The following ARHGAP18 variants were observed in gnomAD, a reference collection of about 807,000 sequenced individuals.
ARHGAP18 encodes the protein rho GTPase-activating protein 18.
A neutral mutation model predicts 86.2 loss-of-function variants in ARHGAP18; 67 were observed. That is an observed-to-expected ratio of 0.78 (90% CI 0.64 to 0.95). The LOEUF (loss-of-function observed/expected upper bound fraction) is 0.95, where lower values mean the gene tolerates loss of function less well. Among genes scored for constraint, ARHGAP18 ranks in the 40% least tolerant of loss-of-function variants. The pLI is 0.00. For missense variants in ARHGAP18, 691 were observed against 780.4 expected, an observed-to-expected ratio of 0.89 and a Z score of 1.37; for synonymous variants, 283 against 280.4, an observed-to-expected ratio of 1.01 and a Z score of -0.09.
intron 5 of ARHGAP18, among the ~76,000 whole-genome samples, chr6:129,625,445 T>A (rs1360402905): frequency 2.1e-5 from 1 of 47,188 alleles, no homozygotes; most frequent in East Asian, 7.8e-4. Flanking sequence ...AATATATATT[T>A]TATATTATAT....
At position 129,667,467 on chromosome 6, in the gene ARHGAP18, ATATGTG is replaced by A. The variant is rs760332862; in HGVS notation, c.114-25455_114-25450del. Among the ~76,000 whole-genome samples the A allele has an allele frequency of 2.9e-3, 281 of 95,792 alleles. 2 individuals carry two copies. Among genetic ancestry groups the A allele is most frequent in the African/African-American group, 0.011 (266 of 24,194 alleles). 62.8% of individuals were successfully genotyped at this position (95,792 alleles called of 152,430 possible). On this transcript the variant is annotated intron_variant, in intron 1 of 14. Coordinates refer to ENST00000368149, the MANE Select transcript of ARHGAP18 (RefSeq NM_033515.3). ...CAGGTCTATATCAAAAGAAAAATAT[ATATGTG>A]TGTGTGTGTGTGTGTGTGTGTGTGT...
intron 12 of ARHGAP18, among the ~76,000 whole-genome samples, chr6:129,597,609 C>T (rs1405070893): frequency 6.6e-6 from 1 of 152,076 alleles, no homozygotes; most frequent in Non-Finnish European, 1.5e-5. Context: ...CTTCTCCTGG[C>T]TCCTCGAGGG....
intron 1 of ARHGAP18, among the ~76,000 whole-genome samples, chr6:129,695,684 A>G (rs17057629): frequency 0.2 from 30,818 of 152,180 alleles, 3,485 homozygotes; most frequent in South Asian, 0.3. Flanking sequence ...CAGTGATCTG[A>G]CAAAGCATCC....
chr6:129,625,965 A>T (rs1405708138), intron 5 of ARHGAP18, among the ~76,000 whole-genome samples: 3 of 105,852 alleles, frequency 2.8e-5, no homozygotes, highest in African/African-American at 7.3e-5. Context: ...TTATATATTT[A>T]TATATTATAT....
At chr6:129,635,033 G>C (rs1773304517) in intron 3 of ARHGAP18, among the ~76,000 whole-genome samples, 1 of 152,206 alleles carries the variant, frequency 6.6e-6, no homozygotes, top group South Asian at 2.1e-4. Context: ...AAGGTTTATG[G>C]AGATGGTAAA....
chr6:129,587,302 G>T (rs575478065), intron 12 of ARHGAP18, among the ~76,000 whole-genome samples: 2 of 152,226 alleles, frequency 1.3e-5, no homozygotes, highest in East Asian at 1.9e-4. Context: ...GCAGAGAAAA[G>T]GAATTAAGTG....
chr6:129,590,128 A>T (rs1584026051), intron 12 of ARHGAP18, among the ~76,000 whole-genome samples: 1 of 152,282 alleles, frequency 6.6e-6, no homozygotes, highest in Middle Eastern at 3.4e-3. Context: ...CATTGACCCA[A>T]ATATTAATCT....
At chr6:129,653,928 A>G (rs1333263823) in intron 1 of ARHGAP18, among the ~76,000 whole-genome samples, 1 of 152,184 alleles carries the variant, frequency 6.6e-6, no homozygotes, top group Non-Finnish European at 1.5e-5. Flanking sequence ...CTGTAGTCCC[A>G]GCTACTCAGG....
intron 1 of ARHGAP18, among the ~76,000 whole-genome samples, chr6:129,698,396 G>A (rs1232908080): frequency 6.6e-6 from 1 of 151,978 alleles, no homozygotes; most frequent in East Asian, 1.9e-4. Context: ...AATATAGATG[G>A]TATCTGACAG....
rs141510100 is a variant in ARHGAP18 at position 129,620,009 on chromosome 6, C to T, written c.787-1157G>A. The stretch of plus-strand genomic sequence containing the variant: ...AGGATGGGCCACTGAATTCAGAGGG[C>T]TATTGTGAGATTTAGTGCCCAGCAC... On this transcript the variant is annotated intron_variant, in intron 5 of 14. Coordinates refer to ENST00000368149, the MANE Select transcript of ARHGAP18 (RefSeq NM_033515.3). Among the ~76,000 whole-genome samples the T allele has an allele frequency of 2.8e-3, 426 of 152,138 alleles. 1 individual carries two copies. The highest frequency in any genetic ancestry group is 4.6e-3 in the Non-Finnish European group (312 of 67,992).
chr6:129,689,995 A>G (rs1774496031), intron 1 of ARHGAP18, among the ~76,000 whole-genome samples: 1 of 152,170 alleles, frequency 6.6e-6, no homozygotes, highest in Admixed American at 6.5e-5. Context: ...AAGTAATTAC[A>G]TCTATTTAAA....
At chr6:129,695,426 A>C (rs1041260577) in intron 1 of ARHGAP18, among the ~76,000 whole-genome samples, 7 of 152,230 alleles carry the variant, frequency 4.6e-5, no homozygotes, top group African/African-American at 1.7e-4. Context: ...ATTTTGCTTT[A>C]AGTGGATTAA....
At chr6:129,655,610 T>C (rs564612907) in intron 1 of ARHGAP18, among the ~76,000 whole-genome samples, 2 of 151,888 alleles carry the variant, frequency 1.3e-5, no homozygotes. Context: ...CTTTTTTTTT[T>C]AACTCAGGTG....
At position 129,710,110 on chromosome 6, in the gene ARHGAP18, T is replaced by C; in HGVS notation, c.27A>G (p.Gly9=). MSWLSSSQ[G]VVLTAYHPSG... ...TGGGGTGGTAGGCTGTTAGTACCAC[T>C]CCCTGGGAACTGGAGAGCCAGCTCA... Residue 9 remains glycine, a synonymous_variant, in exon 1 of 15, where the codon GGA becomes GGG. Transcript: ENST00000368149. The C allele has an allele frequency of 6.2e-7, 1 of 1,613,806 alleles. No individual in the cohort carries two copies. The highest frequency in any genetic ancestry group is 8.5e-7 in the Non-Finnish European group (1 of 1,179,820).
intron 1 of ARHGAP18, among the ~76,000 whole-genome samples, chr6:129,695,387 C>T (rs903330148): frequency 2.0e-5 from 3 of 151,966 alleles, no homozygotes; most frequent in Non-Finnish European, 4.4e-5. Context: ...AATTTTGAAA[C>T]AGGGATCTAA....
intron 10 of ARHGAP18, among the ~76,000 whole-genome samples, chr6:129,603,416 G>A (rs373247903): frequency 6.6e-6 from 1 of 152,000 alleles, no homozygotes; most frequent in East Asian, 1.9e-4. Context: ...ATACACTCAT[G>A]AGAACTTCTC....
intron 5 of ARHGAP18, among the ~76,000 whole-genome samples, chr6:129,621,811 G>A (rs1789235664): frequency 6.6e-6 from 1 of 151,924 alleles, no homozygotes; most frequent in Admixed American, 6.6e-5. Context: ...TCCTTCAAAA[G>A]TCCTAATAAG....
chr6:129,616,513 C>T (rs928828528), intron 6 of ARHGAP18, among the ~76,000 whole-genome samples: 1 of 152,024 alleles, frequency 6.6e-6, no homozygotes. Flanking sequence ...CAAGGAAAGA[C>T]AACTAAACAA....
At chr6:129,672,884 C>T (rs565568334) in intron 1 of ARHGAP18, among the ~76,000 whole-genome samples, 7 of 152,200 alleles carry the variant, frequency 4.6e-5, no homozygotes, top group Non-Finnish European at 8.8e-5. Context: ...TTATTAACAA[C>T]GACAGACTTT....
Sources: gnomAD v4.1 joint callset for allele counts (sites outside exome capture counted in the v4.1 genomes callset) on GRCh38, gnomAD v4.1.1 for gene constraint, MANE v1.5 for transcripts, NCBI Gene and HGNC (gene_info 2026-07-23, HGNC 2026-07-21) for gene names.